TTF1: variants seen among roughly 807,000 people sequenced by gnomAD.
TTF1 encodes transcription termination factor 1, also known as transcription termination factor, RNA polymerase I.
TTF1 carries 64 observed loss-of-function variants against 80.2 expected under a neutral mutation model. That is an observed-to-expected ratio of 0.80 (90% CI 0.65 to 0.98). The LOEUF (loss-of-function observed/expected upper bound fraction) is 0.98, where lower values mean the gene tolerates loss of function less well. Among genes scored for constraint, TTF1 ranks in the 50% least tolerant of loss-of-function variants. TTF1 has a pLI of 0.00. For missense variants in TTF1, 1,023 were observed against 1,086.2 expected (o/e 0.94, Z 0.82); for synonymous variants, 372 against 382.7 (o/e 0.97, Z 0.33).
At chr9:132,403,957 G>C (rs1482942849) in intron 1 of TTF1, among the ~76,000 whole-genome samples, 1 of 152,078 alleles carries the variant, frequency 6.6e-6, no homozygotes, top group Non-Finnish European at 1.5e-5. Context: ...TCACATACAG[G>C]GTGTGTGCAC....
chr9:132,378,815 C>T (rs1346565089), intron 10 of TTF1, among the ~76,000 whole-genome samples: 1 of 151,950 alleles, frequency 6.6e-6, no homozygotes, highest in Non-Finnish European at 1.5e-5. Flanking sequence ...ACCAGCAGGA[C>T]TCAGTTATTT....
chr9:132,396,566 G>A, intron 4 of TTF1, 55 bp from the exon 5 acceptor site: 3 of 1,502,758 alleles, frequency 2.0e-6, no homozygotes, highest in Admixed American at 1.7e-5. Context: ...AGTCGCAATT[G>A]TAAAAGGAAC....
chr9:132,386,456 TGCA>T, intron 9 of TTF1, 97 bp downstream of exon 9: 1 of 1,026,560 alleles, frequency 9.7e-7, no homozygotes. Flanking sequence ...AAATTCCAAA[TGCA>T]GCATCATTAT....
chr9:132,377,409 TGTGTGTGAGTGCATGCATGTG>T (rs1211124680), intron 10 of TTF1, among the ~76,000 whole-genome samples: 2 of 67,890 alleles, frequency 2.9e-5, no homozygotes, highest in Admixed American at 1.8e-4. Flanking sequence ...GTGCATGTGG[TGTGTGTGAGTGCATGCATGTG>T]GTGTGAGTGC....
chr9:132,375,828 G>A lies in TTF1; in HGVS notation c.*87C>T. ...CTCCCAAGTAGTTGAAATTACAGGT[G>A]TGCACTACCACACCCGGCTAATTTT... On this transcript the variant is annotated 3_prime_UTR_variant, in exon 11 of 11. Transcript: ENST00000334270. 2.6e-6 allele frequency: 2 copies of A among 765,462 alleles called. No individual in the cohort carries two copies. Among genetic ancestry groups the A allele is most frequent in the Admixed American group, 2.6e-5 (1 of 38,702 alleles). 47.4% of individuals were successfully genotyped at this position (765,462 alleles called of 1,614,324 possible). A position where few individuals can be genotyped will look rare whatever the true frequency, so the allele number is the denominator to read the frequency against.
intron 7 of TTF1, among the ~76,000 whole-genome samples, chr9:132,389,331 C>G (rs376849825): frequency 6.6e-6 from 1 of 151,478 alleles, no homozygotes; most frequent in Non-Finnish European, 1.5e-5. Flanking sequence ...TACAGATGCC[C>G]GCCATCCCGC....
intron 9 of TTF1, among the ~76,000 whole-genome samples, chr9:132,379,997 C>T (rs558915679): frequency 3.3e-5 from 5 of 151,984 alleles, no homozygotes; most frequent in African/African-American, 4.8e-5. Flanking sequence ...CAGATTCTTC[C>T]GACCTCTTCA....
At chr9:132,386,690 G>T in intron 8 of TTF1, 69 bp from the exon 9 acceptor site, 1 of 1,293,632 alleles carries the variant, frequency 7.7e-7, no homozygotes, top group Non-Finnish European at 1.1e-6. Flanking sequence ...ATGGACGCGT[G>T]GAGTGCTGAG....
intron 4 of TTF1, 129 bp from the exon 5 acceptor site, chr9:132,396,640 C>T (rs912551457): frequency 1.4e-5 from 10 of 719,758 alleles, no homozygotes; most frequent in Middle Eastern, 2.4e-4. Flanking sequence ...GGATTTCCTA[C>T]GTCCTGAAGA....
At chr9:132,405,958 G>C (rs889236109) in intron 1 of TTF1, among the ~76,000 whole-genome samples, 5 of 152,140 alleles carry the variant, frequency 3.3e-5, no homozygotes, top group African/African-American at 1.2e-4. Context: ...TAACTCCTTA[G>C]CCGGTCTCAT....
chr9:132,377,673 TGTGTGAATGCATGTG>T lies in TTF1; in HGVS notation c.2464+1371_2464+1385del, dbSNP rs1456990368. On this transcript the variant is annotated intron_variant, in intron 10 of 10. Transcript: ENST00000334270. The stretch of plus-strand genomic sequence containing the variant: ...ATGTGGTGTGTGTGAGTGCATGTGG[TGTGTGAATGCATGTG>T]GTGTGAGTGCATGTGGTGTGTGTGA... Among the ~76,000 whole-genome samples, 922 of 119,348 alleles carry T rather than the reference TGTGTGAATGCATGTG, an allele frequency of 7.7e-3. 3 individuals are homozygous for T. Among genetic ancestry groups the T allele is most frequent in the Middle Eastern group, 0.021 (3 of 146 alleles). The allele number at this position is 119,348 out of a possible 152,430, so 78.3% of individuals were successfully genotyped here. A position where few individuals can be genotyped will look rare whatever the true frequency, so the allele number is the denominator to read the frequency against.
At chr9:132,385,099 G>A (rs1849436645) in intron 9 of TTF1, among the ~76,000 whole-genome samples, 1 of 152,112 alleles carries the variant, frequency 6.6e-6, no homozygotes, top group Non-Finnish European at 1.5e-5. Flanking sequence ...CAACTAAAAC[G>A]TTCTAACTGG....
chr9:132,377,487 GGTGTGT>G (rs145667510), intron 10 of TTF1, among the ~76,000 whole-genome samples: 3 of 84,988 alleles, frequency 3.5e-5, no homozygotes, highest in South Asian at 5.4e-4. Flanking sequence ...GAATGCATGT[GGTGTGT>G]GTGAGTGCAT....
intron 8 of TTF1, among the ~76,000 whole-genome samples, chr9:132,386,923 A>C (rs1256474263): frequency 1.3e-5 from 2 of 152,158 alleles, no homozygotes; most frequent in East Asian, 1.9e-4. Flanking sequence ...ACATAGACAC[A>C]CAGTAAGAGG....
chr9:132,379,126 G>A lies in TTF1; in HGVS notation c.2397C>T (p.Tyr799=), dbSNP rs200153166. The change falls in exon 10 of 11, where the codon TAC becomes TAT. Residue 799 remains tyrosine, a synonymous_variant. Coordinates refer to ENST00000334270, the MANE Select transcript of TTF1 (RefSeq NM_007344.4). ...TCAGCCTAGAAAATTTAGTTTGAACGTAAGATGGAGGAACATCACTTTAGA... is the reference window on the plus strand; with the variant it reads ...TCAGCCTAGAAAATTTAGTTTGAACATAAGATGGAGGAACATCACTTTAGA... ...ASAIGDVPPS[Y]VQTKFSRLKA... is the part of the protein sequence containing the mutation. 11 of 1,606,552 alleles carry A rather than the reference G, an allele frequency of 6.8e-6. No homozygotes were observed. Among genetic ancestry groups the A allele is most frequent in the Admixed American group, 3.4e-5 (2 of 58,512 alleles).
intron 1 of TTF1, among the ~76,000 whole-genome samples, chr9:132,403,922 T>C (rs1849813408): frequency 6.6e-6 from 1 of 152,188 alleles, no homozygotes. Context: ...CTGGAATAAA[T>C]TTCACAAGCC....
chr9:132,380,582 G>A (rs1202848407), intron 9 of TTF1, among the ~76,000 whole-genome samples: 2 of 152,158 alleles, frequency 1.3e-5, no homozygotes, highest in Non-Finnish European at 2.9e-5. Context: ...CCAACATGCT[G>A]CAGACCCAAG....
At chr9:132,405,508 T>G (rs2131661752) in intron 1 of TTF1, among the ~76,000 whole-genome samples, 1 of 152,282 alleles carries the variant, frequency 6.6e-6, no homozygotes, top group African/African-American at 2.4e-5. Flanking sequence ...GCGCCCGGCC[T>G]TGATTTCTTT....
intron 9 of TTF1, among the ~76,000 whole-genome samples, chr9:132,382,707 G>T (rs554565246): frequency 5.3e-5 from 8 of 150,934 alleles, no homozygotes; most frequent in African/African-American, 1.7e-4. Flanking sequence ...ATTAAGGCCA[G>T]GAGTTCAAGC....
Sources: allele counts gnomAD v4.1 joint callset (sites outside exome capture counted in the v4.1 genomes callset), GRCh38; gene constraint gnomAD v4.1.1; transcripts MANE v1.5; gene names NCBI Gene and HGNC (gene_info 2026-07-23, HGNC 2026-07-21).